Variants in NIBAN3 observed in about 807,000 individuals in gnomAD.
NIBAN3 encodes protein Niban 3.
In NIBAN3, 66 loss-of-function variants were observed where a neutral mutation model predicts 76.4. The observed-to-expected ratio is 0.86, with a 90% CI of 0.71 to 1.06. NIBAN3 has a LOEUF of 1.06. Ranked by LOEUF, NIBAN3 falls within the 50% of genes least tolerant of loss-of-function variation. The pLI, the probability that NIBAN3 is intolerant of heterozygous loss-of-function variation, is 0.00. For missense variants in NIBAN3, 808 were observed against 810.7 expected (o/e 1.00, Z 0.04); for synonymous variants, 360 against 355.2 (o/e 1.01, Z -0.15).
chr19:17,523,347 A>G (rs1016508318), upstream of NIBAN3: 3 of 1,206,614 alleles, frequency 2.5e-6, no homozygotes, highest in Admixed American at 2.5e-5. Flanking sequence ...GCGGCTGTGC[A>G]GGGTGAGAGT....
upstream of NIBAN3, among the ~76,000 whole-genome samples, chr19:17,525,255 C>T (rs1190676737): frequency 1.3e-5 from 2 of 152,206 alleles, no homozygotes; most frequent in Non-Finnish European, 2.9e-5. Flanking sequence ...CTCCCCTCAT[C>T]AGAAAACCTG....
At chr19:17,530,380 A>C (rs1259431896) in intron 1 of NIBAN3, among the ~76,000 whole-genome samples, 2 of 151,622 alleles carry the variant, frequency 1.3e-5, no homozygotes, top group Non-Finnish European at 2.9e-5. Flanking sequence ...AAAAAATACA[A>C]AAATTAGCCC....
In NIBAN3 at chr19:17,542,512, T is replaced by C. The variant is rs1292954970; in HGVS notation, c.1329+218T>C. 6.6e-6 allele frequency among the ~76,000 whole-genome samples: 1 copy of C among 152,196 alleles called. No homozygotes were observed. Among genetic ancestry groups the C allele is most frequent in the Non-Finnish European group, 1.5e-5 (1 of 68,042 alleles). Reference sequence around the variant, plus strand: ...GCGCCAAGGATGTTCCTGATCCACCTCTGGGGTTGACAGGACTTTCAGGAG... The same window carrying C: ...GCGCCAAGGATGTTCCTGATCCACCCCTGGGGTTGACAGGACTTTCAGGAG... On this transcript the variant is annotated intron_variant, in intron 10 of 14. Transcript: ENST00000599164. The surrounding 1 kb of genome is among the most constrained non-coding windows in gnomAD (Gnocchi z 4.8).
Position 17,552,100 on chromosome 19 carries a change from A to G in NIBAN3, c.*202A>G. Reference sequence around the variant, plus strand: ...TTTTAATTTTTTTTTTTTTTTTGAGACTGAGTCTTGCTCTGTCACCCGGGC... The same window carrying G: ...TTTTAATTTTTTTTTTTTTTTTGAGGCTGAGTCTTGCTCTGTCACCCGGGC... On this transcript the variant is annotated 3_prime_UTR_variant, in exon 15 of 15. Transcript: ENST00000599164. 3.1e-6 allele frequency: 1 copy of G among 325,880 alleles called. No homozygotes were observed. 20.2% of individuals were successfully genotyped at this position (325,880 alleles called of 1,614,324 possible).
chr19:17,523,668 G>A (rs1442205518), upstream of NIBAN3, among the ~76,000 whole-genome samples: 2 of 152,152 alleles, frequency 1.3e-5, no homozygotes, highest in South Asian at 2.1e-4. Flanking sequence ...TGCTCCTTTT[G>A]CCTTCGGAGT....
chr19:17,539,847 G>A, intron 8 of NIBAN3, 82 bp downstream of exon 8: 2 of 1,137,456 alleles, frequency 1.8e-6, no homozygotes, highest in Non-Finnish European at 2.4e-6. Context: ...CGAAGAATGG[G>A]CTTGAAGTTA....
chr19:17,554,796 A>AT (rs1453100699), downstream of NIBAN3, among the ~76,000 whole-genome samples: 7 of 68,122 alleles, frequency 1.0e-4, no homozygotes, highest in East Asian at 1.6e-3. Context: ...AAAAAAAAAG[A>AT]AAATAATAAT....
Position 17,553,336 on chromosome 19 carries a change from A to G in NIBAN3, c.*1438A>G, listed in dbSNP as rs2076184201. 3.7e-6 allele frequency: 6 copies of G among 1,613,656 alleles called. No homozygotes were observed. The highest frequency in any genetic ancestry group is 1.3e-5 in the African/African-American group (1 of 74,890). On this transcript the variant is annotated 3_prime_UTR_variant, in exon 15 of 15. Coordinates refer to ENST00000599164, the MANE Select transcript of NIBAN3 (RefSeq NM_001321827.2). ...AGCTCCAAATCTTAACTTGGTGTCA[A>G]GTTTCCTGGCTGGGAGACAAGCTTT...
intron 1 of NIBAN3, among the ~76,000 whole-genome samples, chr19:17,530,517 G>T (rs1300930027): frequency 1.7e-5 from 2 of 120,556 alleles, no homozygotes; most frequent in Non-Finnish European, 3.2e-5. Context: ...TGGCAACGGA[G>T]CAAGACTCCA....
intron 13 of NIBAN3, among the ~76,000 whole-genome samples, chr19:17,549,127 C>G (rs1209070756): frequency 6.6e-6 from 1 of 152,072 alleles, no homozygotes; most frequent in Non-Finnish European, 1.5e-5. Context: ...AGAATTAAAT[C>G]CAGAAACAGT....
Position 17,530,783 on chromosome 19 carries a change from C to T in NIBAN3, c.84C>T (p.Phe28=), listed in dbSNP as rs772394329. Residue 28 remains phenylalanine (F), a synonymous_variant, in exon 2 of 15, where the codon TTC becomes TTT. Transcript: ENST00000599164. The part of the protein sequence containing the change: ...RGQVDTLLRN[F]LPCYRGQLAA... ...AGGTGGACACCCTGCTGAGGAACTT[C>T]CTGCCTTGCTACCGTGGGCAGCTGG... 1.4e-5 allele frequency: 22 copies of T among 1,612,562 alleles called. No homozygotes were observed. Among genetic ancestry groups the T allele is most frequent in the Middle Eastern group, 1.6e-4 (1 of 6,072 alleles).
chr19:17,528,977 G>A (rs1330553152), intron 1 of NIBAN3, among the ~76,000 whole-genome samples: 3 of 152,188 alleles, frequency 2.0e-5, no homozygotes, highest in African/African-American at 7.2e-5. Flanking sequence ...TCAAGCCAGG[G>A]CTGGAGGGAT....
At position 17,552,994 on chromosome 19, in the gene NIBAN3, G is replaced by A. The variant is rs2076179307; in HGVS notation, c.*1096G>A. 1 of 159,480 alleles carries A rather than the reference G, an allele frequency of 6.3e-6. No homozygotes were observed. The highest frequency in any genetic ancestry group is 2.0e-4 in the South Asian group (1 of 4,950). 9.9% of individuals were successfully genotyped at this position (159,480 alleles called of 1,614,324 possible). A position where few individuals can be genotyped will look rare whatever the true frequency, so the allele number is the denominator to read the frequency against. On this transcript the variant is annotated 3_prime_UTR_variant, in exon 15 of 15. Coordinates refer to ENST00000599164, the MANE Select transcript of NIBAN3 (RefSeq NM_001321827.2). ...CTGGGCTGAGATGGGAGATTTACCT[G>A]AGCCTGGGAACTCAAGGCTGCAGTG...
intron 5 of NIBAN3, 124 bp from the exon 6 acceptor site, chr19:17,539,026 A>G (rs763001203): frequency 2.7e-5 from 21 of 769,480 alleles, no homozygotes; most frequent in Non-Finnish European, 4.1e-5. Context: ...TTGCCTATGC[A>G]AAGTTCCAGA....
intron 1 of NIBAN3, among the ~76,000 whole-genome samples, chr19:17,529,414 C>T (rs1427571039): frequency 6.6e-6 from 1 of 152,106 alleles, no homozygotes; most frequent in African/African-American, 2.4e-5. Flanking sequence ...CCAAGGTAGC[C>T]TCATGGCACA....
chr19:17,549,876 G>A (rs2076127159), intron 14 of NIBAN3: 1 of 461,104 alleles, frequency 2.2e-6, no homozygotes, highest in Non-Finnish European at 3.8e-6. Context: ...AGGCTGGAAT[G>A]CATAATCTCA....
chr19:17,544,907 T>C (rs1192642630), intron 12 of NIBAN3, among the ~76,000 whole-genome samples: 1 of 152,152 alleles, frequency 6.6e-6, no homozygotes, highest in Non-Finnish European at 1.5e-5. Context: ...TATGGGCCAC[T>C]GAGTCCATTT....
intron 3 of NIBAN3, among the ~76,000 whole-genome samples, chr19:17,532,846 C>T (rs1390417462): frequency 4.0e-5 from 6 of 151,102 alleles, no homozygotes; most frequent in African/African-American, 1.5e-4. Flanking sequence ...GTGCTGGGAG[C>T]TCAGGGACTG....
At position 17,543,419 on chromosome 19, in the gene NIBAN3, G is replaced by A. The variant is rs2075991429; in HGVS notation, c.1432G>A (p.Gly478Arg). 6.2e-7 allele frequency: 1 copy of A among 1,613,490 alleles called. No homozygotes were observed. The highest frequency in any genetic ancestry group is 1.1e-5 in the South Asian group (1 of 91,068). ...QAAQRLERVR[G>R]RVLKKFKSDS... ...TGCCCAGAGGCTGGAGAGAGTCAGG[G>A]GGCGCGTGCTGAAGGTGTGTTCTGT... Residue 478 changes from glycine to arginine, a missense_variant, in exon 11 of 15, where the codon GGG becomes AGG. Gly to Arg is a moderately radical substitution (Grantham distance 125). Transcript: ENST00000599164.
Sources: gnomAD v4.1 joint callset for allele counts (sites outside exome capture counted in the v4.1 genomes callset) on GRCh38, gnomAD v4.1.1 for gene constraint, Gnocchi (gnomAD v3.1) non-coding constraint, MANE v1.5 for transcripts, NCBI Gene and HGNC (gene_info 2026-07-23, HGNC 2026-07-21) for gene names.